Variants in NOC2L observed in about 807,000 individuals in gnomAD.
NOC2L encodes NOC2 like nucleolar associated transcriptional repressor.
A neutral mutation model predicts 94.2 loss-of-function variants in NOC2L; 101 were observed. That is an observed-to-expected ratio of 1.07 (90% CI 0.91 to 1.26). NOC2L has a LOEUF of 1.26. Among genes scored for constraint, NOC2L ranks in the 50% most tolerant of loss-of-function variants. The pLI is 0.00. For synonymous variants in NOC2L, 531 were observed against 413.4 expected (o/e 1.28, Z -3.45); for missense variants, 1,076 against 980.1 (o/e 1.10, Z -1.31).
chr1:959,184 G>C (rs377041654), intron 1 of NOC2L, 31 bp downstream of exon 1: 1 of 1,611,640 alleles, frequency 6.2e-7, no homozygotes, highest in African/African-American at 1.3e-5. Flanking sequence ...CCCACCGGGA[G>C]GCCAAATCGG....
rs1207546965 is a variant in NOC2L, at chr1:946,402, C to T, written c.1803G>A (p.Val601=). The change falls in exon 15 of 19, where the codon GTG becomes GTA. Residue 601 remains valine (V), a splice_region_variant and synonymous_variant. Transcript: ENST00000327044. ...VSFGVSEQQA[V]EAWEKLTREE... ...GGCACTACCCCCAGGGCCCACTAACCACTGCCTGCTGCTCAGAGACGCCGA... is the reference window on the plus strand; with the variant it reads ...GGCACTACCCCCAGGGCCCACTAACTACTGCCTGCTGCTCAGAGACGCCGA... 1.9e-6 allele frequency: 3 copies of T among 1,613,494 alleles called. No homozygotes were observed. The highest frequency in any genetic ancestry group is 1.7e-6 in the Non-Finnish European group (2 of 1,180,028).
intron 8 of NOC2L, 69 bp from the exon 9 acceptor site, chr1:953,357 G>T: frequency 1.1e-6 from 1 of 907,018 alleles, no homozygotes; most frequent in Non-Finnish European, 1.8e-6. Flanking sequence ...GGCCAGCACA[G>T]CCCTCCCCAG....
intron 2 of NOC2L, chr1:957,507 G>A (rs889751922): frequency 1.8e-5 from 10 of 547,688 alleles, no homozygotes; most frequent in African/African-American, 3.8e-5. Flanking sequence ...CTGTGCCTGC[G>A]CCCTGCGCTA....
intron 12 of NOC2L, among the ~76,000 whole-genome samples, chr1:949,008 A>G (rs1642186765): frequency 6.7e-6 from 1 of 149,796 alleles, no homozygotes; most frequent in South Asian, 2.1e-4. Flanking sequence ...GCAATGCCAC[A>G]TGGGGCTCCG....
chr1:950,983 AG>A, intron 12 of NOC2L, 143 bp downstream of exon 12: 1 of 681,926 alleles, frequency 1.5e-6, no homozygotes, highest in Non-Finnish European at 2.7e-6. Context: ...CACACGGAGG[AG>A]CACTGTCCTC....
In NOC2L at chr1:948,164, G is replaced by T. The variant is rs1049590169; in HGVS notation, c.1626C>A (p.Gly542=). ...CCACAGGCAGCACCAGCTCCGGGAA[G>T]CCGATGCAGTGTGCCTGGCTGTGCA... ...EYLHSQAHCI[G]FPELVLPVVL... is the part of the protein sequence containing the mutation. Residue 542 remains glycine, a synonymous_variant, in exon 14 of 19, where the codon GGC becomes GGA. Coordinates refer to ENST00000327044, the MANE Select transcript of NOC2L (RefSeq NM_015658.4). The T allele has an allele frequency of 1.0e-5, 16 of 1,592,776 alleles. No homozygotes were observed. The highest frequency in any genetic ancestry group is 1.8e-4 in the Middle Eastern group (1 of 5,518).
intron 11 of NOC2L, among the ~76,000 whole-genome samples, 179 bp from the exon 12 acceptor site, chr1:951,417 C>T (rs1642258178): frequency 6.7e-6 from 1 of 149,748 alleles, no homozygotes; most frequent in African/African-American, 2.6e-5. Context: ...AGGTACCTTA[C>T]CCAGCTTTCA....
At position 944,542 on chromosome 1, in the gene NOC2L, T is replaced by C; in HGVS notation, c.*152A>G. ...CCAGCCCAGCTCTCGATACGTTTGG[T>C]CTTTCATGCTGAAAAATAAATAATA... On this transcript the variant is annotated 3_prime_UTR_variant, in exon 19 of 19. Coordinates refer to ENST00000327044, the MANE Select transcript of NOC2L (RefSeq NM_015658.4). 1 of 624,346 alleles carries C rather than the reference T, an allele frequency of 1.6e-6. No homozygotes were observed. Among genetic ancestry groups the C allele is most frequent in the Non-Finnish European group, 2.7e-6 (1 of 367,636 alleles). The allele number at this position is 624,346 out of a possible 1,614,324, so 38.7% of individuals were successfully genotyped here. A position where few individuals can be genotyped will look rare whatever the true frequency, so the allele number is the denominator to read the frequency against.
rs767734489 is a variant in NOC2L, at chr1:956,226, A to G, written c.487-11T>C. ...TGGAGTGAGGCGTTGCTGAAGGAGC[A>G]AGAGTACCAGGGGCGTCAGGGGAGC... is the stretch of plus-strand genomic sequence containing the variant. On this transcript the variant is annotated splice_polypyrimidine_tract_variant and intron_variant, in intron 4 of 18. Coordinates refer to ENST00000327044, the MANE Select transcript of NOC2L (RefSeq NM_015658.4). 8.7e-6 allele frequency: 14 copies of G among 1,612,672 alleles called. No homozygotes were observed. Among genetic ancestry groups the G allele is most frequent in the Non-Finnish European group, 1.2e-5 (14 of 1,179,998 alleles).
intron 12 of NOC2L, among the ~76,000 whole-genome samples, chr1:950,025 G>A (rs1324321021): frequency 2.6e-5 from 4 of 152,298 alleles, no homozygotes; most frequent in Non-Finnish European, 5.9e-5. Context: ...TTGAAACTTC[G>A]GACTCCAATC....
At position 954,014 on chromosome 1, in the gene NOC2L, G is replaced by A. The variant is rs865808492; in HGVS notation, c.767C>T (p.Ser256Leu). The A allele has an allele frequency of 6.2e-6, 10 of 1,606,000 alleles. No homozygotes were observed. Among genetic ancestry groups the A allele is most frequent in the South Asian group, 2.2e-5 (2 of 90,422 alleles). Reference protein sequence around the residue: ...LRVDIKAYLGSAIQLVSCLSE... With the variant: ...LRVDIKAYLGLAIQLVSCLSE... ...CCACCAGAATAGCACCTGTATGGCCGAGCCCAGGTAAGCCTTGATGTCCAC... is the reference window on the plus strand; with the variant it reads ...CCACCAGAATAGCACCTGTATGGCCAAGCCCAGGTAAGCCTTGATGTCCAC... Residue 256 changes from serine (S) to leucine (L), a missense_variant, in exon 7 of 19, where the codon TCG (serine) becomes TTG (leucine). Ser to Leu is a moderately radical substitution (Grantham distance 145, BLOSUM62 -2). Transcript: ENST00000327044.
intron 2 of NOC2L, chr1:958,634 T>C (rs978829100): frequency 2.4e-5 from 15 of 616,024 alleles, no homozygotes; most frequent in African/African-American, 2.0e-4. Context: ...CCAGCACTTA[T>C]CTCTCTTCTA....
rs557955981 is a variant in NOC2L at position 944,211 on chromosome 1, A to G, written c.*483T>C. On this transcript the variant is annotated 3_prime_UTR_variant, in exon 19 of 19. Transcript: ENST00000327044. ...TCTCCAGGAGCCACCACTCAACACA[A>G]TGGCCCTGCCTCCCACCGCTTTATT... 151 of 1,485,962 alleles carry G rather than the reference A, an allele frequency of 1.0e-4. 2 individuals are homozygous for G. The South Asian group carries it at 1.9e-3, about 19-fold the overall frequency. The allele number at this position is 1,485,962 out of a possible 1,614,324, so 92.0% of individuals were successfully genotyped here.
rs138911665 is a variant in NOC2L, at chr1:945,093, C to G, written c.2107G>C (p.Glu703Gln). Reference protein sequence around the residue: ...RHGVEDDEEDEEEGEEDSSNS... With the variant: ...RHGVEDDEEDQEEGEEDSSNS... ...CTGCTGTCCTCCTCGCCCTCCTCCT[C>G]GTCCTCTTCATCGTCTTCCACCCCA... The change falls in exon 18 of 19, where the codon GAG becomes CAG. Residue 703 changes from glutamate (E) to glutamine (Q), a missense_variant. By Grantham distance (29) the Glu-to-Gln change is conservative. Around this residue, in one of 3 missense-constraint regions of NOC2L, gnomAD observed 615 missense variants for 577.4 expected, o/e 1.07. Transcript: ENST00000327044. 2 of 1,612,042 alleles carry G rather than the reference C, an allele frequency of 1.2e-6. No homozygotes were observed. Among genetic ancestry groups the G allele is most frequent in the Admixed American group, 1.7e-5 (1 of 59,976 alleles).
At chr1:944,867 T>G (rs1642048219) in intron 18 of NOC2L, 67 bp from the exon 19 acceptor site, 4 of 1,289,644 alleles carry the variant, frequency 3.1e-6, no homozygotes, top group Non-Finnish European at 4.3e-6. Context: ...TAGAGGTTAC[T>G]CATCACTAAT....
intron 2 of NOC2L, 176 bp downstream of exon 2, chr1:958,753 G>T: frequency 1.4e-6 from 1 of 739,008 alleles, no homozygotes; most frequent in South Asian, 1.5e-5. Flanking sequence ...ACAGAGTTTG[G>T]CACGGAACAG....
intron 6 of NOC2L, among the ~76,000 whole-genome samples, chr1:954,908 A>G (rs1319308836): frequency 6.6e-6 from 1 of 152,136 alleles, no homozygotes; most frequent in African/African-American, 2.4e-5. Context: ...GGCGCTCACT[A>G]AAATCTGCTG....
intron 13 of NOC2L, 116 bp from the exon 14 acceptor site, chr1:948,348 A>T (rs1330968981): frequency 9.3e-7 from 1 of 1,077,728 alleles, no homozygotes; most frequent in African/African-American, 1.6e-5. Context: ...ACTGCAAGGA[A>T]GGGGCTCCTG....
intron 2 of NOC2L, 114 bp from the exon 3 acceptor site, chr1:957,387 T>C: frequency 2.9e-6 from 3 of 1,052,608 alleles, no homozygotes; most frequent in South Asian, 1.5e-5. Flanking sequence ...CAAGACAGGA[T>C]TGCCAGGAGG....
Sources: allele counts gnomAD v4.1 joint callset (sites outside exome capture counted in the v4.1 genomes callset), GRCh38; gene constraint gnomAD v4.1.1; regional missense constraint gnomAD v4.1.1; transcripts MANE v1.5; gene names NCBI Gene and HGNC (gene_info 2026-07-23, HGNC 2026-07-21).